Variants in MECOM observed in about 807,000 individuals in gnomAD.
MECOM encodes MDS1 and EVI1 complex locus.
Under a neutral mutation model 116.3 loss-of-function variants are expected in MECOM, and 13 were observed. The ratio of observed to expected loss-of-function variants is 0.11; its 90% CI spans 0.07 to 0.18. The LOEUF is 0.18. MECOM is among the 10% of genes least tolerant of loss of function. MECOM has a pLI of 1.00. For synonymous variants in MECOM, 528 were observed against 535.2 expected (o/e 0.99, Z 0.19); for missense variants, 1,299 against 1,509.0 (o/e 0.86, Z 2.31).
chr3:169,120,576 C>T (rs1577028735), intron 7 of MECOM, among the ~76,000 whole-genome samples: 2 of 152,238 alleles, frequency 1.3e-5, no homozygotes, highest in Admixed American at 6.5e-5. Context: ...TCATCCCCCT[C>T]GCTCTCTCCA....
intron 2 of MECOM, among the ~76,000 whole-genome samples, chr3:169,372,163 T>C (rs1730249045): frequency 6.6e-6 from 1 of 152,008 alleles, no homozygotes; most frequent in African/African-American, 2.4e-5. Flanking sequence ...TATGTGTAAA[T>C]GTATGTATGT....
chr3:169,126,804 G>A (rs1242137887), intron 5 of MECOM, among the ~76,000 whole-genome samples: 1 of 151,944 alleles, frequency 6.6e-6, no homozygotes, highest in African/African-American at 2.4e-5. Flanking sequence ...GGCTAAACAT[G>A]AGGTGAAAAT....
intron 2 of MECOM, among the ~76,000 whole-genome samples, chr3:169,173,522 T>C (rs1479934990): frequency 1.3e-5 from 2 of 152,188 alleles, no homozygotes; most frequent in Non-Finnish European, 2.9e-5. Flanking sequence ...ACATTTTGTG[T>C]TCACTCTCTT....
intron 2 of MECOM, among the ~76,000 whole-genome samples, chr3:169,265,429 C>G (rs891410008): frequency 6.6e-6 from 1 of 152,180 alleles, no homozygotes; most frequent in Non-Finnish European, 1.5e-5. Context: ...CAATTATTTG[C>G]TAAAGTATGT....
chr3:169,348,705 A>G (rs1276042391), intron 2 of MECOM, among the ~76,000 whole-genome samples: 1 of 152,048 alleles, frequency 6.6e-6, no homozygotes, highest in Non-Finnish European at 1.5e-5. Context: ...TGAGTCAAAG[A>G]AAAGATTAAT....
At chr3:169,157,810 G>A (rs138064452) in intron 2 of MECOM, among the ~76,000 whole-genome samples, 10 of 152,142 alleles carry the variant, frequency 6.6e-5, no homozygotes, top group African/African-American at 2.2e-4. Flanking sequence ...CAACTAGAAG[G>A]GGGGGATGCC....
intron 1 of MECOM, among the ~76,000 whole-genome samples, chr3:169,616,541 T>C (rs561190463): frequency 1.3e-5 from 2 of 152,300 alleles, no homozygotes; most frequent in Admixed American, 1.3e-4. Context: ...AGAGATGCCA[T>C]GTTGGCGAGG....
rs145008994 is a variant in MECOM, at chr3:169,083,675, C to A, written c.*1234G>T. On this transcript the variant is annotated 3_prime_UTR_variant, in exon 17 of 17. Coordinates refer to ENST00000651503, the MANE Select transcript of MECOM (RefSeq NM_004991.4). ...ACAAATCTGGTTCCTCAATAAAGGG[C>A]AAAATAACTGAATACAGTCTGTTAT... 136 of 201,476 alleles carry A rather than the reference C, an allele frequency of 6.8e-4. No individual in the cohort carries two copies. Among genetic ancestry groups the A allele is most frequent in the South Asian group, 2.1e-3 (11 of 5,212 alleles). 12.5% of individuals were successfully genotyped at this position (201,476 alleles called of 1,614,324 possible). A position where few individuals can be genotyped will look rare whatever the true frequency, so the allele number is the denominator to read the frequency against.
intron 1 of MECOM, among the ~76,000 whole-genome samples, chr3:169,650,047 G>C (rs539932726): frequency 5.9e-5 from 9 of 152,260 alleles, no homozygotes; most frequent in Non-Finnish European, 8.8e-5. Context: ...CATTGCCAAA[G>C]AAAACCACTT....
intron 1 of MECOM, among the ~76,000 whole-genome samples, chr3:169,515,140 G>T (rs139538927): frequency 6.6e-6 from 1 of 152,048 alleles, no homozygotes; most frequent in Admixed American, 6.6e-5. Context: ...CTTTCATTTC[G>T]CCACAGCACA....
chr3:169,291,146 TTGGTGA>T (rs547531365), intron 2 of MECOM, among the ~76,000 whole-genome samples: 1 of 152,268 alleles, frequency 6.6e-6, no homozygotes, highest in African/African-American at 2.4e-5. Context: ...TATTCAAACT[TTGGTGA>T]ACAGTAGTCC....
At chr3:169,655,891 T>C (rs1470168100) in intron 1 of MECOM, among the ~76,000 whole-genome samples, 2 of 152,194 alleles carry the variant, frequency 1.3e-5, no homozygotes, top group Non-Finnish European at 2.9e-5. Context: ...TTGCACACAT[T>C]ATACCAATTA....
intron 11 of MECOM, 115 bp downstream of exon 11, chr3:169,101,945 A>C: frequency 1.0e-6 from 1 of 956,992 alleles, no homozygotes; most frequent in Admixed American, 2.5e-5. Context: ...CTGGAGATCT[A>C]TTATGGTGGC....
intron 2 of MECOM, among the ~76,000 whole-genome samples, chr3:169,250,200 G>C (rs373892556): frequency 6.6e-6 from 1 of 152,154 alleles, no homozygotes; most frequent in Non-Finnish European, 1.5e-5. Context: ...CAGGCCTCAC[G>C]AAAACACACT....
In MECOM at chr3:169,121,253, G is replaced by A. The variant is rs778770650; in HGVS notation, c.979-44C>T. 5.9e-6 allele frequency: 9 copies of A among 1,538,222 alleles called. 1 individual carries two copies. In the South Asian group the frequency reaches 8.7e-5, roughly 15 times the overall value. On this transcript the variant is annotated intron_variant, in intron 6 of 16. Coordinates refer to ENST00000651503, the MANE Select transcript of MECOM (RefSeq NM_004991.4). ...TGATTAATCAAGAAACTTAACTCAA[G>A]GGCACAATAAAGAAGACCCGGGATG...
At position 169,213,227 on chromosome 3, in the gene MECOM, A is replaced by G. The variant is rs373805935; in HGVS notation, c.376-69395T>C. Among the ~76,000 whole-genome samples, 6 of 152,064 alleles carry G rather than the reference A, an allele frequency of 3.9e-5. No homozygotes were observed. The East Asian group carries it at 1.2e-3, about 29-fold the overall frequency. On this transcript the variant is annotated intron_variant, in intron 2 of 16. Transcript: ENST00000651503. ...ACTTGCATCCTTTAGGCATGTTGTA[A>G]GTGCTTGAAAAATATCTTTTGAATT... is the stretch of plus-strand genomic sequence containing the variant.
chr3:169,361,436 C>T (rs1728287796), intron 2 of MECOM, among the ~76,000 whole-genome samples: 1 of 151,756 alleles, frequency 6.6e-6, no homozygotes, highest in Non-Finnish European at 1.5e-5. Flanking sequence ...CCTTCCTTCA[C>T]AAGGATAAAA....
At chr3:169,601,462 T>C (rs1025632110) in intron 1 of MECOM, among the ~76,000 whole-genome samples, 1 of 152,174 alleles carries the variant, frequency 6.6e-6, no homozygotes, top group Admixed American at 6.5e-5. Context: ...TGAGTGTAAC[T>C]CACCAGGCCT....
intron 2 of MECOM, among the ~76,000 whole-genome samples, chr3:169,266,881 G>C (rs1758377132): frequency 6.6e-6 from 1 of 150,806 alleles, no homozygotes; most frequent in Non-Finnish European, 1.5e-5. Context: ...GAAAGAGAGA[G>C]AGAGAAGGAA....
Sources: gnomAD v4.1 joint callset for allele counts (sites outside exome capture counted in the v4.1 genomes callset) on GRCh38, gnomAD v4.1.1 for gene constraint, MANE v1.5 for transcripts, NCBI Gene and HGNC (gene_info 2026-07-23, HGNC 2026-07-21) for gene names.